BEND6: variants seen among roughly 807,000 people sequenced by gnomAD.
BEND6 encodes BEN domain-containing protein 6.
Under a neutral mutation model 31.8 loss-of-function variants are expected in BEND6, and 24 were observed. The ratio of observed to expected loss-of-function variants is 0.75; its 90% CI spans 0.55 to 1.06. The LOEUF is 1.06. Ranked by LOEUF, BEND6 falls within the 50% of genes least tolerant of loss-of-function variation. The probability of loss-of-function intolerance (pLI) is 0.00; values close to 1 mark genes in which losing one functional copy is unlikely to be tolerated. For missense variants in BEND6, 294 were observed against 327.4 expected, an observed-to-expected ratio of 0.90 and a Z score of 0.79; for synonymous variants, 109 against 114.6, an observed-to-expected ratio of 0.95 and a Z score of 0.31.
intron 3 of BEND6, chr6:57,010,734 T>C: frequency 1.1e-6 from 1 of 890,388 alleles, no homozygotes; most frequent in Non-Finnish European, 1.3e-6. Context: ...AAAAGATATT[T>C]AAATTCTACA....
In BEND6 at chr6:56,999,457, A is replaced by C. The variant is rs35312681; in HGVS notation, c.298+6902A>C. ...TCTATTGCACTCACTTTCCTGGATT[A>C]GTTTAGGCCACGTTCCTCATGCCTG... On this transcript the variant is annotated intron_variant, in intron 3 of 6. Coordinates refer to ENST00000370746, the MANE Select transcript of BEND6 (RefSeq NM_152731.3). Among the ~76,000 whole-genome samples the C allele has an allele frequency of 9.1e-3, 1,388 of 152,336 alleles. 12 individuals are homozygous for C. Among genetic ancestry groups the C allele is most frequent in the Non-Finnish European group, 0.016 (1,059 of 68,022 alleles).
intron 2 of BEND6, among the ~76,000 whole-genome samples, chr6:56,985,635 G>A (rs1321489179): frequency 6.6e-6 from 1 of 152,180 alleles, no homozygotes; most frequent in South Asian, 2.1e-4. Flanking sequence ...TGAGCCACGT[G>A]GGAGTCAGGG....
intron 2 of BEND6, 152 bp from the exon 3 acceptor site, chr6:56,992,226 C>G: frequency 1.3e-6 from 1 of 784,166 alleles, no homozygotes; most frequent in Non-Finnish European, 1.9e-6. Flanking sequence ...GTTCCTCTGC[C>G]TGCTGGAGGA....
intron 1 of BEND6, among the ~76,000 whole-genome samples, chr6:56,973,928 T>G (rs1166675402): frequency 6.6e-6 from 1 of 152,044 alleles, no homozygotes; most frequent in Non-Finnish European, 1.5e-5. Flanking sequence ...GCTTTTTGTA[T>G]TTTCTGTAGA....
intron 1 of BEND6, among the ~76,000 whole-genome samples, chr6:56,977,636 T>A (rs1825926514): frequency 6.6e-6 from 1 of 152,160 alleles, no homozygotes; most frequent in South Asian, 2.1e-4. Context: ...GAAACAGCAT[T>A]CACAAACCAA....
chr6:57,015,154 A>G lies in BEND6; in HGVS notation c.320A>G (p.Gln107Arg). 4 of 1,614,118 alleles carry G rather than the reference A, an allele frequency of 2.5e-6. No individual in the cohort carries two copies. Among genetic ancestry groups the G allele is most frequent in the Non-Finnish European group, 3.4e-6 (4 of 1,179,984 alleles). Residue 107 changes from glutamine (Q) to arginine (R), a missense_variant, in exon 4 of 7, where the codon CAG (glutamine) becomes CGG (arginine). Transcript: ENST00000370746. ...MLQVLPQAVTQFEELVGMAEA... is the reference protein window; with the variant it reads ...MLQVLPQAVTRFEELVGMAEA... ...TTAGTGTTACCACAAGCAGTCACCC[A>G]GTTTGAAGAATTGGTTGGTATGGCC...
chr6:56,976,126 T>C, intron 1 of BEND6: 1 of 246,954 alleles, frequency 4.0e-6, no homozygotes, highest in South Asian at 6.2e-5. Flanking sequence ...AACAATTATT[T>C]AATTTATTTT....
At chr6:57,000,284 AC>A (rs1826880719) in intron 3 of BEND6, among the ~76,000 whole-genome samples, 1 of 152,050 alleles carries the variant, frequency 6.6e-6, no homozygotes, top group African/African-American at 2.4e-5. Flanking sequence ...CTATAACCTT[AC>A]CCCCAACCCC....
At chr6:56,975,515 C>T in intron 1 of BEND6, 1 of 194,834 alleles carries the variant, frequency 5.1e-6, no homozygotes, top group Non-Finnish European at 1.1e-5. Context: ...CATTCTTTTC[C>T]ACATTTCATA....
intron 4 of BEND6, among the ~76,000 whole-genome samples, chr6:57,016,186 G>A (rs1827553534): frequency 6.6e-6 from 1 of 152,110 alleles, no homozygotes; most frequent in African/African-American, 2.4e-5. Flanking sequence ...AGACACAGAT[G>A]CTAAAAAGAC....
intron 1 of BEND6, chr6:56,975,968 G>C (rs1437415883): frequency 3.3e-5 from 17 of 520,658 alleles, no homozygotes; most frequent in Admixed American, 2.2e-4. Flanking sequence ...AGTCATGGTC[G>C]ACGCCATGTG....
In BEND6 at chr6:57,017,311, T is replaced by A; in HGVS notation, c.624T>A (p.Thr208=). Residue 208 remains threonine, a synonymous_variant, in exon 5 of 7, where the codon ACT becomes ACA. Transcript: ENST00000370746. ...QVLYTNEYMA[T]HSLTGAKSST... ...TTTACACAAATGAATACATGGCCAC[T>A]CACAGCCTGACAGGGGCAAAATCCT... 1 of 1,478,012 alleles carries A rather than the reference T, an allele frequency of 6.8e-7. No individual in the cohort carries two copies. Among genetic ancestry groups the A allele is most frequent in the Non-Finnish European group, 9.0e-7 (1 of 1,110,354 alleles). 91.6% of individuals were successfully genotyped at this position (1,478,012 alleles called of 1,614,324 possible). A position where few individuals can be genotyped will look rare whatever the true frequency, so the allele number is the denominator to read the frequency against.
At chr6:56,981,657 G>C in intron 1 of BEND6, 54 bp from the exon 2 acceptor site, 1 of 738,388 alleles carries the variant, frequency 1.4e-6, no homozygotes, top group South Asian at 1.8e-5. Flanking sequence ...GTACCATTAT[G>C]AAACATACAG....
chr6:56,976,037 G>T, intron 1 of BEND6: 1 of 457,472 alleles, frequency 2.2e-6, no homozygotes, highest in South Asian at 1.9e-5. Context: ...CAAGCACTAA[G>T]AACAGGACAC....
chr6:57,018,831 A>G (rs944180655), intron 6 of BEND6, among the ~76,000 whole-genome samples: 1 of 152,204 alleles, frequency 6.6e-6, no homozygotes, highest in Non-Finnish European at 1.5e-5. Flanking sequence ...AAAGGGATAT[A>G]GTATGTAGTG....
intron 5 of BEND6, 140 bp from the exon 6 acceptor site, chr6:57,018,281 T>C: frequency 2.5e-6 from 2 of 802,894 alleles, no homozygotes; most frequent in Non-Finnish European, 1.8e-6. Flanking sequence ...TCTGTTTAAA[T>C]AGCTCATGGG....
At chr6:57,006,874 A>T (rs1593016469) in intron 3 of BEND6, among the ~76,000 whole-genome samples, 1 of 152,224 alleles carries the variant, frequency 6.6e-6, no homozygotes, top group East Asian at 1.9e-4. Flanking sequence ...TGGCTTAAAA[A>T]CAGACACATT....
intron 1 of BEND6, among the ~76,000 whole-genome samples, chr6:56,956,046 A>G (rs1388720842): frequency 6.6e-6 from 1 of 152,254 alleles, no homozygotes; most frequent in African/African-American, 2.4e-5. Context: ...TGCAGCAGTC[A>G]TTCTGCGGCA....
At chr6:56,982,388 G>A (rs57994994) in intron 2 of BEND6, among the ~76,000 whole-genome samples, 8,070 of 152,206 alleles carry the variant, frequency 0.053, 370 homozygotes, top group East Asian at 0.18. Context: ...TGCCTCATCT[G>A]TAAGACATAC....
Sources: gnomAD v4.1 joint callset for allele counts (sites outside exome capture counted in the v4.1 genomes callset) on GRCh38, gnomAD v4.1.1 for gene constraint, MANE v1.5 for transcripts, NCBI Gene and HGNC (gene_info 2026-07-23, HGNC 2026-07-21) for gene names.